TAFA2: variants seen among roughly 807,000 people sequenced by gnomAD.
The protein encoded by TAFA2 is TAFA chemokine like family member 2, also known as chemokine-like protein TAFA-2.
Under a neutral mutation model 18.8 loss-of-function variants are expected in TAFA2, and 7 were observed. The observed-to-expected ratio is 0.37, with a 90% CI of 0.21 to 0.70. The LOEUF is 0.70. Ranked by LOEUF, TAFA2 falls within the 30% of genes least tolerant of loss-of-function variation. The pLI is 0.53. For synonymous variants in TAFA2, 60 were observed against 54.2 expected (o/e 1.11, Z -0.47); for missense variants, 122 against 158.1 (o/e 0.77, Z 1.23).
intron 1 of TAFA2, among the ~76,000 whole-genome samples, chr12:62,101,795 A>C (rs1383439080): frequency 6.6e-6 from 1 of 152,224 alleles, no homozygotes; most frequent in African/African-American, 2.4e-5. Flanking sequence ...TGGTATATTG[A>C]AATGAAAGTG....
intron 1 of TAFA2, among the ~76,000 whole-genome samples, chr12:61,975,193 A>G (rs1177243428): frequency 6.6e-6 from 1 of 151,756 alleles, no homozygotes; most frequent in African/African-American, 2.4e-5. Context: ...TCAAGTATAC[A>G]ATATTATTAA....
intron 1 of TAFA2, among the ~76,000 whole-genome samples, chr12:62,056,173 T>C (rs763474717): frequency 2.0e-5 from 3 of 152,216 alleles, no homozygotes; most frequent in East Asian, 1.9e-4. Context: ...CTATCTCCTA[T>C]AATGCTTTTA....
intron 2 of TAFA2, among the ~76,000 whole-genome samples, chr12:61,816,764 C>T (rs1407439244): frequency 6.6e-6 from 1 of 151,210 alleles, no homozygotes; most frequent in African/African-American, 2.5e-5. Flanking sequence ...TCAGAGAAGT[C>T]TTTATTGAGG....
intron 2 of TAFA2, among the ~76,000 whole-genome samples, chr12:61,768,844 C>T (rs910015366): frequency 6.6e-6 from 1 of 151,832 alleles, no homozygotes; most frequent in Non-Finnish European, 1.5e-5. Context: ...GGGGAGGGGA[C>T]AAATGGGGAG....
chr12:61,960,698 G>A (rs938924363), intron 1 of TAFA2, among the ~76,000 whole-genome samples: 4 of 150,626 alleles, frequency 2.7e-5, no homozygotes, highest in African/African-American at 9.8e-5. Flanking sequence ...TCAATTGTAT[G>A]ATTCAATAAA....
At chr12:61,927,998 A>G (rs1260349515) in intron 1 of TAFA2, among the ~76,000 whole-genome samples, 6 of 152,220 alleles carry the variant, frequency 3.9e-5, no homozygotes, top group African/African-American at 1.4e-4. Flanking sequence ...TATACCTTAT[A>G]CAAAAATTAA....
intron 4 of TAFA2, among the ~76,000 whole-genome samples, chr12:61,738,653 GAC>G (rs1190319120): frequency 6.6e-6 from 1 of 152,034 alleles, no homozygotes; most frequent in East Asian, 1.9e-4. Context: ...GTCCCCACCT[GAC>G]CCACCTATGG....
chr12:61,886,710 G>T (rs930037197), intron 1 of TAFA2, among the ~76,000 whole-genome samples: 1 of 152,084 alleles, frequency 6.6e-6, no homozygotes, highest in African/African-American at 2.4e-5. Context: ...ATTAACAAAA[G>T]GATTGGTTTT....
At chr12:62,250,944 G>A (rs1388567822) in intron 1 of TAFA2, among the ~76,000 whole-genome samples, 9 of 133,194 alleles carry the variant, frequency 6.8e-5, no homozygotes, top group African/African-American at 2.3e-4. Flanking sequence ...GAGAGCAGCT[G>A]AGTCTCGCCA....
intron 1 of TAFA2, among the ~76,000 whole-genome samples, chr12:62,061,834 T>TAGTG (rs1345137084): frequency 6.6e-6 from 1 of 152,150 alleles, no homozygotes; most frequent in African/African-American, 2.4e-5. Flanking sequence ...GAAGACATAT[T>TAGTG]AGTGGATAAA....
chr12:61,841,805 T>A (rs1011152588), intron 2 of TAFA2, among the ~76,000 whole-genome samples: 3 of 152,122 alleles, frequency 2.0e-5, no homozygotes, highest in Non-Finnish European at 4.4e-5. Flanking sequence ...AAAACCCTGA[T>A]TTGATTTTTA....
At chr12:61,988,265 T>C (rs2136685165) in intron 1 of TAFA2, among the ~76,000 whole-genome samples, 1 of 152,214 alleles carries the variant, frequency 6.6e-6, no homozygotes, top group South Asian at 2.1e-4. Context: ...CCCAATAGAA[T>C]TTAAAGCATT....
intron 2 of TAFA2, among the ~76,000 whole-genome samples, chr12:61,778,600 G>A (rs184288608): frequency 8.6e-5 from 13 of 151,918 alleles, no homozygotes; most frequent in East Asian, 7.8e-4. Context: ...CAAATGTCCT[G>A]CCCTCAGGGA....
intron 2 of TAFA2, among the ~76,000 whole-genome samples, chr12:61,762,502 T>C (rs1436303385): frequency 2.0e-5 from 3 of 152,102 alleles, no homozygotes; most frequent in East Asian, 1.9e-4. Flanking sequence ...ATTACTTAAA[T>C]GTTAATTACC....
intron 2 of TAFA2, among the ~76,000 whole-genome samples, chr12:61,824,468 G>T (rs973121): frequency 0.33 from 49,570 of 152,192 alleles, 8,285 homozygotes; most frequent in South Asian, 0.41. Flanking sequence ...TATAGAGTAT[G>T]TATTAGTGCC....
At chr12:62,188,226 T>G (rs2062598562) in intron 1 of TAFA2, among the ~76,000 whole-genome samples, 1 of 152,170 alleles carries the variant, frequency 6.6e-6, no homozygotes, top group Non-Finnish European at 1.5e-5. Context: ...TTACCCCAAG[T>G]TGTGATTTTT....
intron 1 of TAFA2, among the ~76,000 whole-genome samples, chr12:61,895,981 T>C (rs1875824714): frequency 6.6e-6 from 1 of 151,158 alleles, no homozygotes. Context: ...AAGGATTTCA[T>C]GAAACTACAA....
At chr12:61,761,946 G>T (rs1214630749) in intron 2 of TAFA2, among the ~76,000 whole-genome samples, 1 of 151,982 alleles carries the variant, frequency 6.6e-6, no homozygotes, top group Non-Finnish European at 1.5e-5. Context: ...TCTTGTGAAA[G>T]AAATTTGGTT....
chr12:61,769,674 T>C (rs1869942302), intron 2 of TAFA2, among the ~76,000 whole-genome samples: 1 of 151,404 alleles, frequency 6.6e-6, no homozygotes. Flanking sequence ...GGAAGCCCCA[T>C]CCCTAGGAGA....
Sources: gnomAD v4.1 joint callset for allele counts (sites outside exome capture counted in the v4.1 genomes callset) on GRCh38, gnomAD v4.1.1 for gene constraint, MANE v1.5 for transcripts, NCBI Gene and HGNC (gene_info 2026-07-23, HGNC 2026-07-21) for gene names.